PCDH11Y: variants seen among roughly 807,000 people sequenced by gnomAD.
The protein encoded by PCDH11Y is protocadherin 11 Y-linked.
For missense variants in PCDH11Y, 12 were observed against 224.8 expected, an observed-to-expected ratio of 0.05 and a Z score of 6.05; for synonymous variants, 9 against 83.6, an observed-to-expected ratio of 0.11 and a Z score of 4.87.
At chrY:5,545,400 A>G in intron 3 of PCDH11Y, among the ~76,000 whole-genome samples, 1 of 32,638 alleles carries the variant, frequency 3.1e-5, no homozygotes, top group Admixed American at 2.8e-4. Context: ...CCATCTGTAT[A>G]TTTATACTGG....
At chrY:5,629,647 T>C in intron 4 of PCDH11Y, among the ~76,000 whole-genome samples, 2 of 34,268 alleles carry the variant, frequency 5.8e-5, no homozygotes, top group Non-Finnish European at 1.5e-4. Context: ...TAATAATTGC[T>C]ACAAATCTCT....
intron 3 of PCDH11Y, among the ~76,000 whole-genome samples, chrY:5,527,821 T>C (rs2053389203): frequency 5.3e-3 from 175 of 33,084 alleles, no homozygotes; most frequent in African/African-American, 0.02. Flanking sequence ...TACACTTTCA[T>C]TGTGAATGGA....
intron 2 of PCDH11Y, among the ~76,000 whole-genome samples, chrY:5,133,924 C>T: frequency 3.1e-5 from 1 of 32,769 alleles, no homozygotes; most frequent in Non-Finnish European, 7.5e-5. Flanking sequence ...AGAGATTGCA[C>T]TGAATCTGTA....
chrY:5,421,049 TACACACACACACACACACAC>T (rs1310744427), intron 2 of PCDH11Y, among the ~76,000 whole-genome samples: 1 of 16,952 alleles, frequency 5.9e-5, no homozygotes, highest in Admixed American at 5.5e-4. Context: ...CTACTAAAAA[TACACACACACACACACACAC>T]ACACACACAC....
At chrY:5,191,894 T>G in intron 2 of PCDH11Y, among the ~76,000 whole-genome samples, 1 of 31,823 alleles carries the variant, frequency 3.1e-5, no homozygotes, top group Non-Finnish European at 7.6e-5. Context: ...ACAGGCTGTA[T>G]GAGAATGCTC....
intron 2 of PCDH11Y, among the ~76,000 whole-genome samples, chrY:5,135,667 C>T: frequency 3.0e-5 from 1 of 33,195 alleles, no homozygotes; most frequent in African/African-American, 1.2e-4. Context: ...CCCACCAAAC[C>T]CTGCCCCCAC....
intron 2 of PCDH11Y, among the ~76,000 whole-genome samples, chrY:5,312,021 A>AGGCCCAGTCACAAGGACCCTTCACGACT (rs2053101403): frequency 3.2e-5 from 1 of 31,198 alleles, no homozygotes; most frequent in Admixed American, 3.0e-4. Flanking sequence ...GTTTGGCATG[A>AGGCCCAGTCACAAGGACCCTTCACGACT]GGCCCAGTCA....
At chrY:5,627,475 C>T (rs1602953799) in intron 4 of PCDH11Y, among the ~76,000 whole-genome samples, 188 of 27,654 alleles carry the variant, frequency 6.8e-3, no homozygotes, top group African/African-American at 0.027. Context: ...GATCTAGGCT[C>T]ACTGCAACCT....
intron 4 of PCDH11Y, among the ~76,000 whole-genome samples, chrY:5,621,888 AAGATGGATT>A (rs2053500579): frequency 3.0e-5 from 1 of 32,892 alleles, no homozygotes; most frequent in Admixed American, 2.9e-4. Context: ...TATAAAAGTT[AAGATGGATT>A]AGAGACTTAA....
At chrY:5,151,807 C>T in intron 2 of PCDH11Y, among the ~76,000 whole-genome samples, 1 of 32,896 alleles carries the variant, frequency 3.0e-5, no homozygotes, top group African/African-American at 1.2e-4. Flanking sequence ...AACTTTATAT[C>T]ATGCTGAAGA....
chrY:5,137,563 T>C, intron 2 of PCDH11Y, among the ~76,000 whole-genome samples: 2 of 31,710 alleles, frequency 6.3e-5, no homozygotes, highest in African/African-American at 1.2e-4. Context: ...CTTAAGGTAA[T>C]GGGGTGGAAA....
rs2124642111 is a variant in PCDH11Y at position 5,138,978 on chromosome Y, T to G, written c.3129+38271T>G. Among the ~76,000 whole-genome samples, 3 of 32,498 alleles carry G rather than the reference T, an allele frequency of 9.2e-5. No homozygotes were observed. In the East Asian group the frequency reaches 2.4e-3, roughly 26 times the overall value. The allele number at this position is 32,498 out of a possible 37,273, so 87.2% of individuals were successfully genotyped here. A position where few individuals can be genotyped will look rare whatever the true frequency, so the allele number is the denominator to read the frequency against. On this transcript the variant is annotated intron_variant, in intron 2 of 4. Transcript: ENST00000400457. ...GACCAATATCCCTGATGAACATAGA[T>G]GCAAAAATCCTCAACAAAATAATAG...
chrY:5,062,768 A>G (rs2052678240), intron 1 of PCDH11Y, among the ~76,000 whole-genome samples: 1 of 33,235 alleles, frequency 3.0e-5, no homozygotes, highest in Non-Finnish European at 7.5e-5. Flanking sequence ...GACATCGTAA[A>G]TAGTTCAATT....
chrY:5,726,144 C>T, intron 4 of PCDH11Y, among the ~76,000 whole-genome samples: 1 of 31,580 alleles, frequency 3.2e-5, no homozygotes, highest in Non-Finnish European at 7.7e-5. Flanking sequence ...TTGGCAGTTC[C>T]TCAAATGGTA....
intron 3 of PCDH11Y, among the ~76,000 whole-genome samples, chrY:5,043,771 T>G: frequency 3.0e-5 from 1 of 32,930 alleles, no homozygotes; most frequent in Non-Finnish European, 7.5e-5. Flanking sequence ...AGCTATTGAT[T>G]ATTGCCACAA....
At position 5,534,123 on chromosome Y, in the gene PCDH11Y, C is replaced by T. The variant is rs207480432; in HGVS notation, c.3328+32868C>T. 2.4e-4 allele frequency among the ~76,000 whole-genome samples: 8 copies of T among 32,972 alleles called. No homozygotes were observed. In the East Asian group the frequency reaches 4.1e-3, roughly 17 times the overall value. The allele number at this position is 32,972 out of a possible 37,273, so 88.5% of individuals were successfully genotyped here. The stretch of plus-strand genomic sequence containing the variant: ...CCCACTGTTTCCTGAAGCTCTTCTC[C>T]GTCTTTTTTCAATCTTTCTTCTCTC... On this transcript the variant is annotated intron_variant, in intron 3 of 4. Transcript: ENST00000400457.
At chrY:5,309,900 G>A (rs1602902397) in intron 2 of PCDH11Y, among the ~76,000 whole-genome samples, 1 of 30,673 alleles carries the variant, frequency 3.3e-5, no homozygotes, top group African/African-American at 1.3e-4. Context: ...ATAGGCTCCT[G>A]CTTATTTAAT....
At chrY:5,276,812 G>T (rs2562952) in intron 2 of PCDH11Y, among the ~76,000 whole-genome samples, 49 of 32,408 alleles carry the variant, frequency 1.5e-3, no homozygotes, top group African/African-American at 5.6e-3. Flanking sequence ...CACAATATTT[G>T]TCAAAAATGT....
At chrY:5,570,851 A>C (rs2124696205) in intron 3 of PCDH11Y, among the ~76,000 whole-genome samples, 1 of 32,216 alleles carries the variant, frequency 3.1e-5, no homozygotes, top group Admixed American at 2.9e-4. Flanking sequence ...TATATTAGAG[A>C]GAAAAAATAT....
Sources: allele counts gnomAD v4.1 joint callset (sites outside exome capture counted in the v4.1 genomes callset), GRCh38; gene constraint gnomAD v4.1.1; transcripts MANE v1.5; gene names NCBI Gene and HGNC (gene_info 2026-07-23, HGNC 2026-07-21).